The following ATP2B2 variants were observed in gnomAD, a reference collection of about 807,000 sequenced individuals.
ATP2B2 encodes the protein ATPase plasma membrane Ca2+ transporting 2, also known as plasma membrane calcium-transporting ATPase 2.
A neutral mutation model predicts 120.0 loss-of-function variants in ATP2B2; 15 were observed. The ratio of observed to expected loss-of-function variants is 0.12; its 90% CI spans 0.08 to 0.19. The LOEUF is 0.19. Among genes scored for constraint, ATP2B2 ranks in the 10% least tolerant of loss-of-function variants. ATP2B2 has a pLI of 1.00. For missense variants in ATP2B2, 1,045 were observed against 1,719.8 expected (o/e 0.61, Z 6.94); for synonymous variants, 694 against 700.3 (o/e 0.99, Z 0.14).
At chr3:10,564,790 T>G (rs2067976847) in intron 2 of ATP2B2, among the ~76,000 whole-genome samples, 1 of 152,200 alleles carries the variant, frequency 6.6e-6, no homozygotes. Context: ...TGATCTCATT[T>G]TTTTCTGATG....
intron 3 of ATP2B2, among the ~76,000 whole-genome samples, chr3:10,512,789 T>C (rs915933240): frequency 6.6e-6 from 1 of 152,146 alleles, no homozygotes; most frequent in African/African-American, 2.4e-5. Flanking sequence ...CAGTCCTCCA[T>C]TGCACCCACA....
At chr3:10,430,380 C>T (rs1340259310) in intron 2 of ATP2B2, among the ~76,000 whole-genome samples, 1 of 152,140 alleles carries the variant, frequency 6.6e-6, no homozygotes, top group Non-Finnish European at 1.5e-5. Flanking sequence ...TGGTGGTTCA[C>T]AAGAGGAGGT....
intron 2 of ATP2B2, among the ~76,000 whole-genome samples, chr3:10,605,675 G>T (rs1303064601): frequency 1.3e-5 from 2 of 148,928 alleles, no homozygotes; most frequent in African/African-American, 5.0e-5. Flanking sequence ...TTGAGACAGA[G>T]TCTCACTCTG....
chr3:10,387,615 C>G (rs1169265540), intron 6 of ATP2B2, among the ~76,000 whole-genome samples: 3 of 152,204 alleles, frequency 2.0e-5, no homozygotes, highest in Non-Finnish European at 4.4e-5. Flanking sequence ...GAGACTTGAG[C>G]TTTTTGTTTG....
intron 1 of ATP2B2, among the ~76,000 whole-genome samples, chr3:10,695,722 C>T (rs1212936445): frequency 6.6e-6 from 1 of 152,184 alleles, no homozygotes; most frequent in African/African-American, 2.4e-5. Context: ...AGAGAACCAG[C>T]CAGGACCAGA....
intron 2 of ATP2B2, among the ~76,000 whole-genome samples, chr3:10,411,055 G>A (rs776853047): frequency 5.9e-5 from 9 of 152,206 alleles, no homozygotes; most frequent in Non-Finnish European, 1.0e-4. Context: ...CCCGGAACCT[G>A]TGAATGTGAC....
intron 22 of ATP2B2, among the ~76,000 whole-genome samples, chr3:10,334,773 GA>G (rs1485920719): frequency 1.3e-5 from 2 of 151,824 alleles, no homozygotes; most frequent in East Asian, 3.9e-4. Context: ...GGCACTGAGG[GA>G]GGCGCTCCCA....
At chr3:10,380,046 TG>T (rs1458467319) in intron 8 of ATP2B2, among the ~76,000 whole-genome samples, 1 of 152,164 alleles carries the variant, frequency 6.6e-6, no homozygotes, top group Non-Finnish European at 1.5e-5. Flanking sequence ...TGGTCCCCAA[TG>T]GGGGTGCTGA....
chr3:10,394,465 G>C lies in ATP2B2; in HGVS notation c.782-6063C>G, dbSNP rs1243545502. ...AGTGATGGCCCAGGGTCACACAGCT[G>C]TGAGTGGTGGAGCCGGGACTTGAAC... is the stretch of plus-strand genomic sequence containing the variant. On this transcript the variant is annotated intron_variant, in intron 5 of 22. Coordinates refer to ENST00000360273, the MANE Select transcript of ATP2B2 (RefSeq NM_001001331.4). 10 of 471,146 alleles carry C rather than the reference G, an allele frequency of 2.1e-5. No homozygotes were observed. In the East Asian group the frequency reaches 5.6e-4, roughly 26 times the overall value. 29.2% of individuals were successfully genotyped at this position (471,146 alleles called of 1,614,324 possible). A position where few individuals can be genotyped will look rare whatever the true frequency, so the allele number is the denominator to read the frequency against.
intron 2 of ATP2B2, among the ~76,000 whole-genome samples, chr3:10,616,907 T>C (rs931810321): frequency 2.6e-5 from 4 of 152,250 alleles, no homozygotes; most frequent in African/African-American, 7.2e-5. Context: ...TGCTTACTTC[T>C]GTTTTTGTCT....
intron 2 of ATP2B2, among the ~76,000 whole-genome samples, chr3:10,424,729 T>C (rs2063093856): frequency 6.6e-6 from 1 of 152,210 alleles, no homozygotes; most frequent in South Asian, 2.1e-4. Flanking sequence ...ATGAGATCCA[T>C]TTATATGTAC....
chr3:10,473,374 G>A (rs2065084923), intron 1 of ATP2B2, among the ~76,000 whole-genome samples: 1 of 152,242 alleles, frequency 6.6e-6, no homozygotes, highest in South Asian at 2.1e-4. Context: ...GCTCATGCCT[G>A]TAATCCCAGC....
At chr3:10,545,026 A>G (rs1197008280) in intron 2 of ATP2B2, among the ~76,000 whole-genome samples, 2 of 152,216 alleles carry the variant, frequency 1.3e-5, no homozygotes, top group East Asian at 3.8e-4. Context: ...TAATATCGTC[A>G]TGGCAGGGAA....
At chr3:10,612,001 C>G (rs990889252) in intron 2 of ATP2B2, among the ~76,000 whole-genome samples, 1 of 152,190 alleles carries the variant, frequency 6.6e-6, no homozygotes, top group African/African-American at 2.4e-5. Context: ...TTCTGCCAGC[C>G]AGCATCGCAT....
chr3:10,652,066 C>T (rs566377073), intron 1 of ATP2B2, among the ~76,000 whole-genome samples: 1 of 152,250 alleles, frequency 6.6e-6, no homozygotes, highest in East Asian at 1.9e-4. Context: ...TGTATGGAGC[C>T]TGAGGCTTCA....
rs763328021 is a variant in ATP2B2, at chr3:10,342,720, CTGGGAGAGGCGTGGG to C, written c.2917+17_2917+31del. The stretch of plus-strand genomic sequence containing the variant: ...TGCACCCAGAAGGTGATGACCCCGC[CTGGGAGAGGCGTGGG>C]TGGGCGAGGCGCTCACCAACAAAGA... On this transcript the variant is annotated intron_variant, in intron 19 of 22. Transcript: ENST00000360273. This position sits in a 1 kb window ranked among gnomAD's most constrained non-coding sequence, Gnocchi z 4.4. 8.7e-6 allele frequency: 14 copies of C among 1,612,342 alleles called. No homozygotes were observed. In the South Asian group the frequency reaches 1.4e-4, roughly 16 times the overall value.
Position 10,358,950 on chromosome 3 carries a change from G to T in ATP2B2, c.1902-25C>A, listed in dbSNP as rs751937553. The T allele has an allele frequency of 1.2e-5, 19 of 1,608,376 alleles. No individual in the cohort carries two copies. The African/African-American group carries it at 2.4e-4, about 20-fold the overall frequency. On this transcript the variant is annotated intron_variant, in intron 13 of 22. Transcript: ENST00000360273. ...CCTAGGGGAGGATGGAAGGGAGATG[G>T]GGAGCCCAGGGAATGCTCCTTCTGA...
intron 1 of ATP2B2, among the ~76,000 whole-genome samples, chr3:10,499,931 C>CTTTTTT (rs57211710): frequency 3.4e-5 from 4 of 117,586 alleles, no homozygotes; most frequent in African/African-American, 1.0e-4. Context: ...TGGGCACATT[C>CTTTTTT]TTTTTTTTTT....
chr3:10,671,976 G>A (rs1013190703), intron 1 of ATP2B2, among the ~76,000 whole-genome samples: 1 of 152,248 alleles, frequency 6.6e-6, no homozygotes, highest in East Asian at 1.9e-4. Flanking sequence ...ACTGTGGGCA[G>A]AGGGTCCTGA....
Sources: gnomAD v4.1 joint callset for allele counts (sites outside exome capture counted in the v4.1 genomes callset) on GRCh38, gnomAD v4.1.1 for gene constraint, Gnocchi (gnomAD v3.1) non-coding constraint, MANE v1.5 for transcripts, NCBI Gene and HGNC (gene_info 2026-07-23, HGNC 2026-07-21) for gene names.